GZF1: variants seen among roughly 807,000 people sequenced by gnomAD.
GZF1 encodes GDNF-inducible zinc finger protein 1.
GZF1 carries 28 observed loss-of-function variants against 49.4 expected under a neutral mutation model. That is an observed-to-expected ratio of 0.57 (90% CI 0.42 to 0.78). The LOEUF (loss-of-function observed/expected upper bound fraction) is 0.78, where lower values mean the gene tolerates loss of function less well. Among genes scored for constraint, GZF1 ranks in the 30% least tolerant of loss-of-function variants. The pLI, the probability that GZF1 is intolerant of heterozygous loss-of-function variation, is 0.00. For missense variants in GZF1, 798 were observed against 916.2 expected (o/e 0.87, Z 1.67); for synonymous variants, 364 against 356.0 (o/e 1.02, Z -0.25).
At chr20:23,370,027 G>A in intron 5 of GZF1, 64 bp from the exon 6 acceptor site, 4 of 1,380,962 alleles carry the variant, frequency 2.9e-6, no homozygotes, top group Non-Finnish European at 4.1e-6. Context: ...AGGGACTATT[G>A]TTTTAAAAGA....
chr20:23,368,943 G>A lies in GZF1; in HGVS notation c.1627+14G>A. 2 of 1,588,136 alleles carry A rather than the reference G, an allele frequency of 1.3e-6. No homozygotes were observed. Among genetic ancestry groups the A allele is most frequent in the Non-Finnish European group, 8.6e-7 (1 of 1,167,672 alleles). On this transcript the variant is annotated intron_variant, in intron 4 of 5. Transcript: ENST00000338121. The stretch of plus-strand genomic sequence containing the variant: ...AAGTCCACACAGGTATGGTTGGAAT[G>A]TCCCAGGGAAGGGAGTTTAGTTTGG...
chr20:23,368,686 T>C, intron 3 of GZF1, 76 bp from the exon 4 acceptor site: 1 of 1,144,078 alleles, frequency 8.7e-7, no homozygotes, highest in Non-Finnish European at 1.2e-6. Context: ...ACGTGGGTTT[T>C]AACAGTGGAG....
At chr20:23,363,885 G>T (rs1458222152) in intron 1 of GZF1, among the ~76,000 whole-genome samples, 1 of 152,238 alleles carries the variant, frequency 6.6e-6, no homozygotes, top group Non-Finnish European at 1.5e-5. Context: ...ATGGAAAGTA[G>T]TTATTTAGTT....
rs1366589960 is a variant in GZF1, at chr20:23,372,511, G to A, written c.*2070G>A. The A allele has an allele frequency of 1.3e-5, 2 of 152,150 alleles. No individual in the cohort carries two copies. The highest frequency in any genetic ancestry group is 2.9e-5 in the Non-Finnish European group (2 of 68,026). 9.4% of individuals were successfully genotyped at this position (152,150 alleles called of 1,614,324 possible). ...CAGGCCACAACCGGGCTGGAAGTGC[G>A]GTTGAGCTCTCTGCCACTTTCTTCA... On this transcript the variant is annotated 3_prime_UTR_variant, in exon 6 of 6. Transcript: ENST00000338121.
At position 23,371,731 on chromosome 20, in the gene GZF1, A is replaced by G. The variant is rs759285965; in HGVS notation, c.*1290A>G. 2 of 152,234 alleles carry G rather than the reference A, an allele frequency of 1.3e-5. No homozygotes were observed. The highest frequency in any genetic ancestry group is 2.9e-5 in the Non-Finnish European group (2 of 68,020). The allele number at this position is 152,234 out of a possible 1,614,324, so 9.4% of individuals were successfully genotyped here. Reference sequence around the variant, plus strand: ...ATTTAAACATTAATTTAAAAAGGGAACCTTGGAGAATTCTTTTGTTCACTA... The same window carrying G: ...ATTTAAACATTAATTTAAAAAGGGAGCCTTGGAGAATTCTTTTGTTCACTA... On this transcript the variant is annotated 3_prime_UTR_variant, in exon 6 of 6. Coordinates refer to ENST00000338121, the MANE Select transcript of GZF1 (RefSeq NM_022482.5).
At position 23,370,098 on chromosome 20, in the gene GZF1, A is replaced by G. The variant is rs147952306; in HGVS notation, c.1793A>G (p.Asp598Gly). The G allele has an allele frequency of 3.7e-6, 6 of 1,613,522 alleles. No individual in the cohort carries two copies. Among genetic ancestry groups the G allele is most frequent in the African/African-American group, 2.7e-5 (2 of 75,062 alleles). Residue 598 changes from aspartate to glycine, a missense_variant, in exon 6 of 6, where the codon GAT becomes GGT. Asp to Gly is a moderately conservative substitution (Grantham distance 94). Coordinates refer to ENST00000338121, the MANE Select transcript of GZF1 (RefSeq NM_022482.5). The part of the protein sequence containing the change: ...STLRRHTSIH[D>G]KNTPWKSFLV... Reference sequence around the variant, plus strand: ...TTTGTGTTTAACTTATAGATACACGATAAGAATACTCCATGGAAGTCTTTC... The same window carrying G: ...TTTGTGTTTAACTTATAGATACACGGTAAGAATACTCCATGGAAGTCTTTC...
chr20:23,368,289 A>T (rs1981645744), intron 3 of GZF1, among the ~76,000 whole-genome samples: 1 of 152,244 alleles, frequency 6.6e-6, no homozygotes, highest in African/African-American at 2.4e-5. Context: ...TAAACTACAA[A>T]AAGTGAGATA....
At chr20:23,364,334 C>A in intron 1 of GZF1, 29 bp from the exon 2 acceptor site, 1 of 1,335,566 alleles carries the variant, frequency 7.5e-7, no homozygotes, top group South Asian at 1.4e-5. Context: ...AGTGGTTGCT[C>A]ATGCATAATT....
intron 2 of GZF1, among the ~76,000 whole-genome samples, chr20:23,366,423 A>G (rs1443678135): frequency 5.9e-5 from 9 of 152,178 alleles, no homozygotes; most frequent in Non-Finnish European, 1.3e-4. Context: ...ACTCTATATA[A>G]TAAGTTAAAA....
Position 23,368,918 on chromosome 20 carries a change from AAGT to A in GZF1, c.1617_1619del (p.Lys539_Val540delinsAsn). The A allele has an allele frequency of 6.2e-7, 1 of 1,612,590 alleles. No homozygotes were observed. Among genetic ancestry groups the A allele is most frequent in the Non-Finnish European group, 8.5e-7 (1 of 1,179,334 alleles). ...CGGAATTCACTGTACCAGCATATTAAAGTCCACACAGGTATGGTTGGAATGTCC... is the reference window on the plus strand; with the variant it reads ...CGGAATTCACTGTACCAGCATATTAACCACACAGGTATGGTTGGAATGTCC... On this transcript the variant is annotated inframe_deletion, in exon 4 of 6. Transcript: ENST00000338121.
chr20:23,370,306 C>CA lies in GZF1; in HGVS notation c.2002dup (p.Thr668AsnfsTer7). ...CCATGCAGGAGAACAGTTCTGCTGA[C>CA]ACAGCCTGCAAGGCAGATGACTCCG... is the stretch of plus-strand genomic sequence containing the variant. On this transcript the variant is annotated frameshift_variant, in exon 6 of 6. Coordinates refer to ENST00000338121, the MANE Select transcript of GZF1 (RefSeq NM_022482.5). LOFTEE classifies it low-confidence loss of function (END_TRUNC). The CA allele has an allele frequency of 6.2e-7, 1 of 1,614,128 alleles. No individual in the cohort carries two copies. The highest frequency in any genetic ancestry group is 8.5e-7 in the Non-Finnish European group (1 of 1,179,940).
At chr20:23,369,413 T>G (rs1023673901) in intron 4 of GZF1, among the ~76,000 whole-genome samples, 171 bp from the exon 5 acceptor site, 7 of 152,238 alleles carry the variant, frequency 4.6e-5, no homozygotes, top group African/African-American at 1.4e-4. Context: ...CTTGGTATTA[T>G]AGAGATAGTG....
In GZF1 at chr20:23,365,399, G is replaced by T. The variant is rs200122736; in HGVS notation, c.1016G>T (p.Arg339Leu). ...AGCTTCCTGAAGCACAGCAAGCACC[G>T]CCACGGCGTGGCCACCGAGGTGGTG... is the stretch of plus-strand genomic sequence containing the variant. The part of the protein sequence containing the change: ...EKSFLKHSKH[R>L]HGVATEVVYR... Residue 339 changes from arginine to leucine, a missense_variant, in exon 2 of 6, where the codon CGC (arginine) becomes CTC (leucine). Physicochemically the swap from Arg to Leu is moderately radical, Grantham distance 102. Around this residue, in one of 3 missense-constraint regions of GZF1, gnomAD observed 446 missense variants for 540.1 expected, o/e 0.83. Coordinates refer to ENST00000338121, the MANE Select transcript of GZF1 (RefSeq NM_022482.5). 2.5e-6 allele frequency: 4 copies of T among 1,613,818 alleles called. No homozygotes were observed. Among genetic ancestry groups the T allele is most frequent in the Non-Finnish European group, 3.4e-6 (4 of 1,180,004 alleles).
Position 23,364,707 on chromosome 20 carries a change from A to G in GZF1, c.324A>G (p.Arg108=). Reference sequence around the variant, plus strand: ...AGGTGGAAGAAGATCGGGTGCAGCGAATGCTGGAAGTGGCTGAAAAGCTGA... The same window carrying G: ...AGGTGGAAGAAGATCGGGTGCAGCGGATGCTGGAAGTGGCTGAAAAGCTGA... The part of the protein sequence containing the change: ...KVQVEEDRVQ[R]MLEVAEKLKC... The change falls in exon 2 of 6, where the codon CGA becomes CGG. Residue 108 remains arginine, a synonymous_variant. Transcript: ENST00000338121. 6.2e-7 allele frequency: 1 copy of G among 1,614,248 alleles called. No individual in the cohort carries two copies. Among genetic ancestry groups the G allele is most frequent in the Non-Finnish European group, 8.5e-7 (1 of 1,180,036 alleles).
chr20:23,366,987 A>C lies in GZF1; in HGVS notation c.1365-16A>C, dbSNP rs779911996. The C allele has an allele frequency of 3.9e-6, 6 of 1,542,998 alleles. No homozygotes were observed. Among genetic ancestry groups the C allele is most frequent in the Non-Finnish European group, 4.5e-6 (5 of 1,116,412 alleles). The stretch of plus-strand genomic sequence containing the variant: ...GAAATACATCCTAAGTTATCATCTG[A>C]ATGTTGTACTTTCAGAATTCATACA... On this transcript the variant is annotated splice_polypyrimidine_tract_variant and intron_variant, in intron 2 of 5. Transcript: ENST00000338121.
In GZF1 at chr20:23,368,786, C is replaced by CA; in HGVS notation, c.1485dup (p.Cys496MetfsTer8). 2 of 1,610,102 alleles carry CA rather than the reference C, an allele frequency of 1.2e-6. No individual in the cohort carries two copies. Among genetic ancestry groups the CA allele is most frequent in the Non-Finnish European group, 8.5e-7 (1 of 1,178,376 alleles). ...GGTGAAAGACCTTTTATGTGTGAAA[C>CA]ATGTGGCAAGAGTTTTGCTTCTAAG... On this transcript the variant is annotated frameshift_variant, in exon 4 of 6. Coordinates refer to ENST00000338121, the MANE Select transcript of GZF1 (RefSeq NM_022482.5). LOFTEE classifies it high-confidence loss of function.
rs919001848 is a variant in GZF1 at position 23,370,707 on chromosome 20, A to T, written c.*266A>T. ...CTCACTTAATTCTGGTGTAGGGTGT[A>T]TGTGCTAATCGTTCTAATTCTTGAT... On this transcript the variant is annotated 3_prime_UTR_variant, in exon 6 of 6. Transcript: ENST00000338121. 1.3e-5 allele frequency: 6 copies of T among 451,272 alleles called. No individual in the cohort carries two copies. The highest frequency in any genetic ancestry group is 2.4e-5 in the Non-Finnish European group (6 of 251,432). The allele number at this position is 451,272 out of a possible 1,614,324, so 28.0% of individuals were successfully genotyped here.
At position 23,371,176 on chromosome 20, in the gene GZF1, T is replaced by C. The variant is rs1405200011; in HGVS notation, c.*735T>C. On this transcript the variant is annotated 3_prime_UTR_variant, in exon 6 of 6. Transcript: ENST00000338121. ...TTCAGTTTGTCTTAAAAAAATCAGA[T>C]TAGGTAAAAGCTGTCCTACCAAAGA... 6.6e-6 allele frequency: 1 copy of C among 152,608 alleles called. No homozygotes were observed. The highest frequency in any genetic ancestry group is 1.5e-5 in the Non-Finnish European group (1 of 68,032). The allele number at this position is 152,608 out of a possible 1,614,324, so 9.5% of individuals were successfully genotyped here. A position where few individuals can be genotyped will look rare whatever the true frequency, so the allele number is the denominator to read the frequency against.
Position 23,372,171 on chromosome 20 carries a change from C to G in GZF1, c.*1730C>G, listed in dbSNP as rs1216681148. 5.2e-5 allele frequency: 8 copies of G among 152,588 alleles called. No individual in the cohort carries two copies. Among genetic ancestry groups the G allele is most frequent in the African/African-American group, 1.9e-4 (8 of 41,436 alleles). The allele number at this position is 152,588 out of a possible 1,614,324, so 9.5% of individuals were successfully genotyped here. On this transcript the variant is annotated 3_prime_UTR_variant, in exon 6 of 6. Transcript: ENST00000338121. ...AAACAATAGATCATTTTGTTACCTACTGGAGGGATTTTTGTCTTGAATTTG... is the reference window on the plus strand; with the variant it reads ...AAACAATAGATCATTTTGTTACCTAGTGGAGGGATTTTTGTCTTGAATTTG...
Sources: gnomAD v4.1 joint callset for allele counts (sites outside exome capture counted in the v4.1 genomes callset) on GRCh38, gnomAD v4.1.1 for gene constraint, gnomAD v4.1.1 regional missense constraint, MANE v1.5 for transcripts, NCBI Gene and HGNC (gene_info 2026-07-23, HGNC 2026-07-21) for gene names.